ANKRD13B: variants seen among roughly 807,000 people sequenced by gnomAD.
ANKRD13B encodes the protein ankyrin repeat domain-containing protein 13B.
A neutral mutation model predicts 74.4 loss-of-function variants in ANKRD13B; 33 were observed. The observed-to-expected ratio is 0.44, with a 90% CI of 0.34 to 0.59. The LOEUF is 0.59. Among genes scored for constraint, ANKRD13B ranks in the 20% least tolerant of loss-of-function variants. ANKRD13B has a pLI of 0.02. For missense variants in ANKRD13B, 676 were observed against 877.9 expected (o/e 0.77, Z 2.91); for synonymous variants, 341 against 362.9 (o/e 0.94, Z 0.68).
At chr17:29,596,467 G>C (rs2033960412) in intron 1 of ANKRD13B, among the ~76,000 whole-genome samples, 1 of 152,242 alleles carries the variant, frequency 6.6e-6, no homozygotes, top group South Asian at 2.1e-4. Context: ...CATGGTCCTG[G>C]TTCTGGAGTC....
chr17:29,607,252 T>C (rs1567791137), intron 1 of ANKRD13B, among the ~76,000 whole-genome samples: 1 of 152,254 alleles, frequency 6.6e-6, no homozygotes, highest in Non-Finnish European at 1.5e-5. Context: ...TGTCTGTGTA[T>C]TACTGTAACC....
intron 1 of ANKRD13B, among the ~76,000 whole-genome samples, chr17:29,607,456 A>C (rs896824500): frequency 2.0e-5 from 3 of 152,212 alleles, no homozygotes; most frequent in African/African-American, 7.2e-5. Flanking sequence ...GGACCCAGCC[A>C]GGGGCCCTTG....
At position 29,608,813 on chromosome 17, in the gene ANKRD13B, G is replaced by A; in HGVS notation, c.422-38G>A. 1 of 1,613,256 alleles carries A rather than the reference G, an allele frequency of 6.2e-7. No homozygotes were observed. Among genetic ancestry groups the A allele is most frequent in the South Asian group, 1.1e-5 (1 of 90,930 alleles). On this transcript the variant is annotated intron_variant, in intron 4 of 14. Transcript: ENST00000394859. The surrounding 1 kb of genome is among the most constrained non-coding windows in gnomAD (Gnocchi z 6.4). ...GAGCTGGTCCAGGCCGTGTAGGCCA[G>A]ACCAGTCAAAGCCACCTCCAACCTC...
At position 29,593,487 on chromosome 17, in the gene ANKRD13B, G is replaced by T; in HGVS notation, c.-135G>T. On this transcript the variant is annotated 5_prime_UTR_variant, in exon 1 of 15. Transcript: ENST00000394859. ...GCCGGGCGCGCCGCCCCCGCCCGCC[G>T]CCGCTCGCACATGCCCGAGCCGCAG... 1 of 213,264 alleles carries T rather than the reference G, an allele frequency of 4.7e-6. No individual in the cohort carries two copies. The highest frequency in any genetic ancestry group is 1.5e-4 in the South Asian group (1 of 6,518). The allele number at this position is 213,264 out of a possible 1,614,324, so 13.2% of individuals were successfully genotyped here.
In ANKRD13B at chr17:29,613,429, A is replaced by G. The variant is rs1002343348; in HGVS notation, c.1728A>G (p.Pro576=). 11 of 1,528,916 alleles carry G rather than the reference A, an allele frequency of 7.2e-6. No homozygotes were observed. The highest frequency in any genetic ancestry group is 2.8e-5 in the African/African-American group (2 of 70,396). 94.7% of individuals were successfully genotyped at this position (1,528,916 alleles called of 1,614,324 possible). The change falls in exon 15 of 15, where the codon CCA becomes CCG. Residue 576 remains proline, a synonymous_variant. Coordinates refer to ENST00000394859, the MANE Select transcript of ANKRD13B (RefSeq NM_152345.5). Reference sequence around the variant, plus strand: ...CCAGCCCTCGGCCCAGCTCAGGGCCAGGTTCCGGCGGCCACGTGTTCCGGA... The same window carrying G: ...CCAGCCCTCGGCCCAGCTCAGGGCCGGGTTCCGGCGGCCACGTGTTCCGGA... ...SVPSPRPSSG[P]GSGGHVFRSY...
chr17:29,613,388 C>T lies in ANKRD13B; in HGVS notation c.1687C>T (p.Pro563Ser), dbSNP rs970503616. 2 of 1,485,202 alleles carry T rather than the reference C, an allele frequency of 1.3e-6. No homozygotes were observed. Among genetic ancestry groups the T allele is most frequent in the South Asian group, 1.3e-5 (1 of 78,436 alleles). 92.0% of individuals were successfully genotyped at this position (1,485,202 alleles called of 1,614,324 possible). Residue 563 changes from proline to serine, a missense_variant, in exon 15 of 15, where the codon CCC becomes TCC. By Grantham distance (74) the Pro-to-Ser change is moderately conservative. Transcript: ENST00000394859. Reference protein sequence around the residue: ...APPTPQRQPAPPASVPSPRPS... With the variant: ...APPTPQRQPASPASVPSPRPS... ...GCCCACGCCGCAGCGCCAGCCTGCG[C>T]CCCCGGCGTCAGTGCCCAGCCCTCG...
In ANKRD13B at chr17:29,593,532, C is replaced by T. The variant is rs1409788963; in HGVS notation, c.-90C>T. 6.6e-6 allele frequency: 3 copies of T among 453,824 alleles called. No individual in the cohort carries two copies. Among genetic ancestry groups the T allele is most frequent in the Non-Finnish European group, 8.8e-6 (3 of 342,520 alleles). 28.1% of individuals were successfully genotyped at this position (453,824 alleles called of 1,614,324 possible). A position where few individuals can be genotyped will look rare whatever the true frequency, so the allele number is the denominator to read the frequency against. ...CCGCAGCCCCGCGAGCAGGCAGCGCCGGCCCCCCGCCCCGCGGCCCCGGGC... is the reference window on the plus strand; with the variant it reads ...CCGCAGCCCCGCGAGCAGGCAGCGCTGGCCCCCCGCCCCGCGGCCCCGGGC... On this transcript the variant is annotated 5_prime_UTR_variant, in exon 1 of 15. Coordinates refer to ENST00000394859, the MANE Select transcript of ANKRD13B (RefSeq NM_152345.5).
chr17:29,600,648 C>T (rs2034137279), intron 1 of ANKRD13B, among the ~76,000 whole-genome samples: 1 of 152,150 alleles, frequency 6.6e-6, no homozygotes, highest in South Asian at 2.1e-4. Context: ...TGAATTGTAA[C>T]CAGCCTCCCT....
intron 1 of ANKRD13B, among the ~76,000 whole-genome samples, chr17:29,594,859 A>T (rs1235032674): frequency 6.6e-6 from 1 of 152,216 alleles, no homozygotes; most frequent in Non-Finnish European, 1.5e-5. Flanking sequence ...CGCCAAGGGA[A>T]GCATGGAGGT....
chr17:29,610,742 G>A lies in ANKRD13B; in HGVS notation c.880G>A (p.Glu294Lys). The stretch of plus-strand genomic sequence containing the variant: ...CCGCACACGGACAGAACATCTTTCA[G>A]AACAGCACAAGGGCAAGGTCAAAGG... ...ITRTRTEHLS[E>K]QHKGKVKGCK... The change falls in exon 8 of 15, where the codon GAA becomes AAA. Residue 294 changes from glutamate (E) to lysine (K), a missense_variant. Glu to Lys is a moderately conservative substitution (Grantham distance 56). Transcript: ENST00000394859. The A allele has an allele frequency of 1.2e-6, 2 of 1,614,012 alleles. No individual in the cohort carries two copies. Among genetic ancestry groups the A allele is most frequent in the South Asian group, 1.1e-5 (1 of 91,068 alleles).
chr17:29,609,092 G>C lies in ANKRD13B; in HGVS notation c.572G>C (p.Ser191Thr), dbSNP rs572106601. The C allele has an allele frequency of 1.1e-4, 180 of 1,610,594 alleles. 1 individual carries two copies. In the East Asian group the frequency reaches 3.7e-3, roughly 33 times the overall value. The change falls in exon 6 of 15, where the codon AGC (serine) becomes ACC (threonine). Residue 191 changes from serine to threonine, a missense_variant. By Grantham distance (58) the Ser-to-Thr change is moderately conservative. This residue lies in a region of ANKRD13B where 328 missense variants were observed against 518.4 expected (regional missense o/e 0.63). Coordinates refer to ENST00000394859, the MANE Select transcript of ANKRD13B (RefSeq NM_152345.5). This position sits in a 1 kb window ranked among gnomAD's most constrained non-coding sequence, Gnocchi z 4.0. ...RSFVFRGQDT[S>T]AVVMEIDHDR... ...GCTGTTCCGTGTCTGGCAGACACAA[G>C]CGCCGTGGTCATGGAGATTGACCAC...
rs2034470271 is a variant in ANKRD13B, at chr17:29,608,546, C to T, written c.422-305C>T. 1 of 570,360 alleles carries T rather than the reference C, an allele frequency of 1.8e-6. No individual in the cohort carries two copies. The highest frequency in any genetic ancestry group is 1.9e-5 in the African/African-American group (1 of 53,504). The allele number at this position is 570,360 out of a possible 1,614,324, so 35.3% of individuals were successfully genotyped here. A position where few individuals can be genotyped will look rare whatever the true frequency, so the allele number is the denominator to read the frequency against. The stretch of plus-strand genomic sequence containing the variant: ...ACTGTTGTATTCCCAGTGGCTGGAA[C>T]ACTCAGTAGGTGTTTCATAAATATT... On this transcript the variant is annotated intron_variant, in intron 4 of 14. Transcript: ENST00000394859. This position sits in a 1 kb window ranked among gnomAD's most constrained non-coding sequence, Gnocchi z 6.4.
In ANKRD13B at chr17:29,611,282, C is replaced by T. The variant is rs765368401; in HGVS notation, c.905-297C>T. On this transcript the variant is annotated intron_variant, in intron 8 of 14. Coordinates refer to ENST00000394859, the MANE Select transcript of ANKRD13B (RefSeq NM_152345.5). This position sits in a 1 kb window ranked among gnomAD's most constrained non-coding sequence, Gnocchi z 4.3. ...CACATGCACACCCCACAGTGCCTGC[C>T]GGGGCAGGCGTTTTACTGTCCAGGG... 9.9e-5 allele frequency among the ~76,000 whole-genome samples: 15 copies of T among 152,206 alleles called. No individual in the cohort carries two copies. Among genetic ancestry groups the T allele is most frequent in the Non-Finnish European group, 1.5e-4 (10 of 68,036 alleles).
chr17:29,606,130 C>T (rs1025587968), intron 1 of ANKRD13B, among the ~76,000 whole-genome samples: 3 of 151,342 alleles, frequency 2.0e-5, no homozygotes, highest in Non-Finnish European at 3.0e-5. Flanking sequence ...AGGCTGGTCT[C>T]GAACTCCCAA....
intron 1 of ANKRD13B, among the ~76,000 whole-genome samples, chr17:29,596,840 C>T (rs1363431197): frequency 6.6e-6 from 1 of 152,164 alleles, no homozygotes; most frequent in African/African-American, 2.4e-5. Flanking sequence ...GAGGGAGCCA[C>T]AAACCCCAGA....
chr17:29,594,089 A>T (rs1349358417), intron 1 of ANKRD13B: 1 of 157,076 alleles, frequency 6.4e-6, no homozygotes, highest in Non-Finnish European at 1.4e-5. Flanking sequence ...GAGGGTGCGG[A>T]GGTGGGAAAG....
At position 29,613,036 on chromosome 17, in the gene ANKRD13B, G is replaced by A. The variant is rs532504350; in HGVS notation, c.1652+73G>A. On this transcript the variant is annotated intron_variant, in intron 14 of 14. Transcript: ENST00000394859. ...TCCCCTAAGCCAGGACACAGCCGGA[G>A]AACCCGCGGGGCCCTCGGCAGGGAC... is the stretch of plus-strand genomic sequence containing the variant. The A allele has an allele frequency of 2.6e-6, 4 of 1,532,806 alleles. No individual in the cohort carries two copies. The South Asian group carries it at 3.5e-5, about 13-fold the overall frequency. 95.0% of individuals were successfully genotyped at this position (1,532,806 alleles called of 1,614,324 possible).
rs1050206615 is a variant in ANKRD13B, at chr17:29,611,354, A to G, written c.905-225A>G. Among the ~76,000 whole-genome samples, 3 of 152,304 alleles carry G rather than the reference A, an allele frequency of 2.0e-5. No individual in the cohort carries two copies. The highest frequency in any genetic ancestry group is 2.0e-4 in the Admixed American group (3 of 15,302). ...CTTTTGGAAGTTGCTTCTGACCTCT[A>G]GGCCTTCCTTTTAGTGTTTTAAGCT... is the stretch of plus-strand genomic sequence containing the variant. On this transcript the variant is annotated intron_variant, in intron 8 of 14. Coordinates refer to ENST00000394859, the MANE Select transcript of ANKRD13B (RefSeq NM_152345.5). This position sits in a 1 kb window ranked among gnomAD's most constrained non-coding sequence, Gnocchi z 4.3.
intron 1 of ANKRD13B, among the ~76,000 whole-genome samples, chr17:29,600,064 G>A (rs2034112803): frequency 2.0e-5 from 3 of 151,892 alleles, no homozygotes; most frequent in Admixed American, 6.6e-5. Flanking sequence ...TTTTAGTAGA[G>A]ACGGGGTTTC....
Sources: gnomAD v4.1 joint callset for allele counts (sites outside exome capture counted in the v4.1 genomes callset) on GRCh38, gnomAD v4.1.1 for gene constraint, gnomAD v4.1.1 regional missense constraint, Gnocchi (gnomAD v3.1) non-coding constraint, MANE v1.5 for transcripts, NCBI Gene and HGNC (gene_info 2026-07-23, HGNC 2026-07-21) for gene names.